The following ANKRD42 variants were observed in gnomAD, a reference collection of about 807,000 sequenced individuals.
ANKRD42 encodes ankyrin repeat domain-containing protein 42.
Under a neutral mutation model 51.5 loss-of-function variants are expected in ANKRD42, and 43 were observed. That is an observed-to-expected ratio of 0.83 (90% CI 0.65 to 1.08). The LOEUF is 1.08. Among genes scored for constraint, ANKRD42 ranks in the 50% least tolerant of loss-of-function variants. The pLI, the probability that ANKRD42 is intolerant of heterozygous loss-of-function variation, is 0.00. For synonymous variants in ANKRD42, 203 were observed against 213.0 expected (o/e 0.95, Z 0.41); for missense variants, 608 against 629.3 (o/e 0.97, Z 0.36).
In ANKRD42 at chr11:83,223,666, G is replaced by A. The variant is rs532551760; in HGVS notation, c.587-1189G>A. On this transcript the variant is annotated intron_variant, in intron 5 of 10. Transcript: ENST00000533342. ...TTTAAGTGTAAATGATGAGTAAGCA[G>A]TTAGAGGAATCTGAAGTTTCAGGGG... 6.6e-5 allele frequency among the ~76,000 whole-genome samples: 10 copies of A among 152,294 alleles called. No individual in the cohort carries two copies. The South Asian group carries it at 1.7e-3, about 25-fold the overall frequency.
chr11:83,247,608 A>G (rs190842700), intron 10 of ANKRD42, among the ~76,000 whole-genome samples: 3 of 152,328 alleles, frequency 2.0e-5, no homozygotes, highest in East Asian at 1.9e-4. Context: ...ACAACATTTT[A>G]TACTACTCTT....
intron 7 of ANKRD42, among the ~76,000 whole-genome samples, chr11:83,234,054 A>G (rs1863158525): frequency 6.6e-6 from 1 of 152,078 alleles, no homozygotes; most frequent in African/African-American, 2.4e-5. Context: ...ATTTCCTCTT[A>G]GTACTGCTTT....
rs1565193748 is a variant in ANKRD42 at position 83,236,520 on chromosome 11, C to CT, written c.1019+12dup. On this transcript the variant is annotated intron_variant, in intron 8 of 10. Coordinates refer to ENST00000533342, the MANE Select transcript of ANKRD42 (RefSeq NM_001300975.2). ...TGATGTGGCAAAGAGGTATAAATCT[C>CT]TGTCTTCTTTACTCCTTTCTTTTCT... 6.3e-7 allele frequency: 1 copy of CT among 1,589,896 alleles called. No individual in the cohort carries two copies. The highest frequency in any genetic ancestry group is 1.3e-5 in the African/African-American group (1 of 74,490).
At chr11:83,243,612 C>T (rs1385540537) in intron 9 of ANKRD42, among the ~76,000 whole-genome samples, 3 of 152,288 alleles carry the variant, frequency 2.0e-5, no homozygotes, top group Admixed American at 1.3e-4. Flanking sequence ...GTTCCCAAAC[C>T]TGTCTGCCCT....
At position 83,201,540 on chromosome 11, in the gene ANKRD42, A is replaced by G. The variant is rs1396460543; in HGVS notation, c.222+2898A>G. ...TATATGACCAGGATTGCTGGGTCAA[A>G]TGGTATTTCTGGTTCTAGATCCTTG... On this transcript the variant is annotated intron_variant, in intron 2 of 10. Coordinates refer to ENST00000533342, the MANE Select transcript of ANKRD42 (RefSeq NM_001300975.2). Among the ~76,000 whole-genome samples, 5 of 152,184 alleles carry G rather than the reference A, an allele frequency of 3.3e-5. No individual in the cohort carries two copies. In the East Asian group the frequency reaches 7.7e-4, roughly 23 times the overall value.
chr11:83,224,902 G>C lies in ANKRD42; in HGVS notation c.634G>C (p.Val212Leu). 1 of 1,609,424 alleles carries C rather than the reference G, an allele frequency of 6.2e-7. No individual in the cohort carries two copies. The highest frequency in any genetic ancestry group is 8.5e-7 in the Non-Finnish European group (1 of 1,177,012). The change falls in exon 6 of 11, where the codon GTC becomes CTC. Residue 212 changes from valine to leucine, a missense_variant. Physicochemically the swap from Val to Leu is conservative, Grantham distance 32. Transcript: ENST00000533342. ...CCACCTTCACTGTTTCAAATTCCTAGTCAGTAGAATGAGCAGTGCGACGCA... is the reference window on the plus strand; with the variant it reads ...CCACCTTCACTGTTTCAAATTCCTACTCAGTAGAATGAGCAGTGCGACGCA... ...EGHLHCFKFL[V>L]SRMSSATQVL...
chr11:83,223,946 T>C (rs1158183932), intron 5 of ANKRD42, among the ~76,000 whole-genome samples: 3 of 127,474 alleles, frequency 2.4e-5, no homozygotes, highest in African/African-American at 9.4e-5. Context: ...GATTCATTCC[T>C]TTTTTTTTTT....
At chr11:83,222,621 G>C (rs1208916947) in intron 5 of ANKRD42, among the ~76,000 whole-genome samples, 2 of 152,164 alleles carry the variant, frequency 1.3e-5, no homozygotes, top group Non-Finnish European at 2.9e-5. Context: ...AACATTTCAG[G>C]TAGAGGTAAC....
intron 2 of ANKRD42, among the ~76,000 whole-genome samples, chr11:83,204,704 A>C (rs1219095258): frequency 6.6e-6 from 1 of 152,194 alleles, no homozygotes; most frequent in Non-Finnish European, 1.5e-5. Context: ...CTCAAAACAG[A>C]TTGTAGATAA....
At chr11:83,219,825 G>A (rs1862661071) in intron 5 of ANKRD42, among the ~76,000 whole-genome samples, 1 of 152,182 alleles carries the variant, frequency 6.6e-6, no homozygotes, top group African/African-American at 2.4e-5. Context: ...TCCTGATGTG[G>A]GGGACCATAC....
chr11:83,237,767 C>T (rs1028600762), intron 8 of ANKRD42, among the ~76,000 whole-genome samples: 2 of 152,122 alleles, frequency 1.3e-5, no homozygotes, highest in African/African-American at 4.8e-5. Context: ...TATATTTGTA[C>T]GGTACAACTG....
intron 11 of ANKRD42, among the ~76,000 whole-genome samples, chr11:83,254,832 C>A (rs988560368): frequency 1.3e-5 from 2 of 152,164 alleles, no homozygotes; most frequent in African/African-American, 2.4e-5. Context: ...TATTTTTCTT[C>A]AGACTAGCCG....
intron 7 of ANKRD42, among the ~76,000 whole-genome samples, chr11:83,235,228 A>G (rs780945844): frequency 1.3e-5 from 2 of 152,192 alleles, no homozygotes; most frequent in Non-Finnish European, 2.9e-5. Flanking sequence ...AATACATGTC[A>G]TAGGAGTTTG....
chr11:83,227,628 TC>T (rs1252193003), intron 6 of ANKRD42, 118 bp from the exon 7 acceptor site: 1 of 1,013,982 alleles, frequency 9.9e-7, no homozygotes, highest in Non-Finnish European at 1.4e-6. Context: ...ACTGAACTCA[TC>T]CGATTACAAC....
chr11:83,260,876 G>A (rs1221134403), downstream of ANKRD42: 1 of 152,014 alleles, frequency 6.6e-6, no homozygotes, highest in Non-Finnish European at 1.5e-5. Flanking sequence ...CTTGAGAGTA[G>A]GTACTAGATA....
chr11:83,236,577 C>T, intron 8 of ANKRD42, 68 bp downstream of exon 8: 3 of 1,241,670 alleles, frequency 2.4e-6, no homozygotes, highest in South Asian at 3.1e-5. Context: ...TTTTTGGACT[C>T]AAAAATCTCT....
chr11:83,232,925 A>G (rs535451808), intron 7 of ANKRD42, among the ~76,000 whole-genome samples: 4 of 152,302 alleles, frequency 2.6e-5, no homozygotes, highest in African/African-American at 9.6e-5. Flanking sequence ...TCGCAGAGGT[A>G]AATCCCACTT....
intron 3 of ANKRD42, chr11:83,209,830 T>G: frequency 1.9e-6 from 1 of 531,516 alleles, no homozygotes. Flanking sequence ...CCCAGCCAGA[T>G]GAGTGCTCTG....
intron 5 of ANKRD42, among the ~76,000 whole-genome samples, chr11:83,215,716 GA>G (rs1862506018): frequency 6.6e-6 from 1 of 152,142 alleles, no homozygotes; most frequent in South Asian, 2.1e-4. Context: ...TAGAAACAAG[GA>G]AAAAGCAAAA....
Sources: gnomAD v4.1 joint callset for allele counts (sites outside exome capture counted in the v4.1 genomes callset) on GRCh38, gnomAD v4.1.1 for gene constraint, MANE v1.5 for transcripts, NCBI Gene and HGNC (gene_info 2026-07-23, HGNC 2026-07-21) for gene names.